FAXDC2: variants seen among roughly 807,000 people sequenced by gnomAD.
The protein encoded by FAXDC2 is fatty acid hydroxylase domain-containing protein 2.
FAXDC2 carries 41 observed loss-of-function variants against 40.9 expected under a neutral mutation model. That is an observed-to-expected ratio of 1.00 (90% CI 0.78 to 1.30). The LOEUF (loss-of-function observed/expected upper bound fraction) is 1.30. FAXDC2 is among the 50% of genes most tolerant of loss of function. The probability of loss-of-function intolerance (pLI) is 0.00; values close to 1 mark genes in which losing one functional copy is unlikely to be tolerated. For synonymous variants in FAXDC2, 157 were observed against 149.3 expected (o/e 1.05, Z -0.38); for missense variants, 390 against 408.8 (o/e 0.95, Z 0.40).
intron 5 of FAXDC2, among the ~76,000 whole-genome samples, chr5:154,827,295 G>A (rs1760061170): frequency 6.8e-6 from 1 of 147,698 alleles, no homozygotes; most frequent in East Asian, 2.0e-4. Flanking sequence ...GTGACAGAGG[G>A]AGACTGTCTC....
intron 1 of FAXDC2, among the ~76,000 whole-genome samples, chr5:154,841,839 G>C (rs1760481928): frequency 6.6e-6 from 1 of 151,394 alleles, no homozygotes; most frequent in Admixed American, 6.6e-5. Flanking sequence ...TGGTTCAAGC[G>C]ATTATCCTGC....
At chr5:154,845,285 G>T (rs962491499) in intron 1 of FAXDC2, among the ~76,000 whole-genome samples, 1 of 152,202 alleles carries the variant, frequency 6.6e-6, no homozygotes, top group African/African-American at 2.4e-5. Flanking sequence ...GGTAGGCAGT[G>T]GGTCTTCACC....
rs1043037457 is a variant in FAXDC2, at chr5:154,818,748, T to C, written c.*1568A>G. On this transcript the variant is annotated 3_prime_UTR_variant, in exon 9 of 9. Transcript: ENST00000326080. Reference sequence around the variant, plus strand: ...TAAAGGGGAAAAAAACCGTATCTGTTCTTTCTCCTTATCTCCTACCCTTCT... The same window carrying C: ...TAAAGGGGAAAAAAACCGTATCTGTCCTTTCTCCTTATCTCCTACCCTTCT... 2 of 152,256 alleles carry C rather than the reference T, an allele frequency of 1.3e-5. No individual in the cohort carries two copies. Among genetic ancestry groups the C allele is most frequent in the Non-Finnish European group, 2.9e-5 (2 of 68,040 alleles). 9.4% of individuals were successfully genotyped at this position (152,256 alleles called of 1,614,324 possible).
At chr5:154,823,722 G>C (rs762035271) in intron 5 of FAXDC2, 130 bp from the exon 6 acceptor site, 3 of 707,864 alleles carry the variant, frequency 4.2e-6, no homozygotes, top group Non-Finnish European at 7.3e-6. Flanking sequence ...AGTAGCTCCT[G>C]ACTGCCACCC....
intron 8 of FAXDC2, 23 bp downstream of exon 8, chr5:154,821,237 C>T (rs773064516): frequency 3.1e-6 from 5 of 1,599,344 alleles, no homozygotes; most frequent in South Asian, 2.2e-5. Flanking sequence ...CCTAGGGACC[C>T]ATTGTGGGGA....
At position 154,834,537 on chromosome 5, in the gene FAXDC2, A is replaced by T. The variant is rs1039252528; in HGVS notation, c.244+88T>A. 3 of 970,260 alleles carry T rather than the reference A, an allele frequency of 3.1e-6. No homozygotes were observed. In the African/African-American group the frequency reaches 4.9e-5, roughly 16 times the overall value. The allele number at this position is 970,260 out of a possible 1,614,324, so 60.1% of individuals were successfully genotyped here. ...CATCCCTTGGAATAATAAACTGAAA[A>T]GTCCCAAAGTAGAGAACAAAACAAC... On this transcript the variant is annotated intron_variant, in intron 4 of 8. Coordinates refer to ENST00000326080, the MANE Select transcript of FAXDC2 (RefSeq NM_032385.5).
At position 154,824,659 on chromosome 5, in the gene FAXDC2, A is replaced by G. The variant is rs922559289; in HGVS notation, c.367-1067T>C. The G allele has an allele frequency of 4.4e-6, 3 of 679,636 alleles. No homozygotes were observed. In the African/African-American group the frequency reaches 5.3e-5, roughly 12 times the overall value. 42.1% of individuals were successfully genotyped at this position (679,636 alleles called of 1,614,324 possible). Reference sequence around the variant, plus strand: ...ATCTATTCATTTATTTATTTAACTGATATTTATTGAGTACCCACTATGTAG... The same window carrying G: ...ATCTATTCATTTATTTATTTAACTGGTATTTATTGAGTACCCACTATGTAG... On this transcript the variant is annotated intron_variant, in intron 5 of 8. Coordinates refer to ENST00000326080, the MANE Select transcript of FAXDC2 (RefSeq NM_032385.5).
At chr5:154,829,734 G>T (rs898878067) in intron 5 of FAXDC2, among the ~76,000 whole-genome samples, 4 of 152,218 alleles carry the variant, frequency 2.6e-5, no homozygotes, top group African/African-American at 9.6e-5. Context: ...TTCCTCATCT[G>T]AACAGTGAAG....
Position 154,833,350 on chromosome 5 carries a change from G to GTT in FAXDC2, c.244+1273_244+1274dup, listed in dbSNP as rs750032741. On this transcript the variant is annotated intron_variant, in intron 4 of 8. Coordinates refer to ENST00000326080, the MANE Select transcript of FAXDC2 (RefSeq NM_032385.5). ...CTAATCTTGGCCTATCTTAATTTTT[G>GTT]TTTTTTTTTTTTTGAGACAGAGTCG... is the stretch of plus-strand genomic sequence containing the variant. 4.2e-3 allele frequency among the ~76,000 whole-genome samples: 529 copies of GTT among 125,874 alleles called. 4 individuals carry two copies. Among genetic ancestry groups the GTT allele is most frequent in the African/African-American group, 0.014 (474 of 34,170 alleles). The allele number at this position is 125,874 out of a possible 152,430, so 82.6% of individuals were successfully genotyped here. A position where few individuals can be genotyped will look rare whatever the true frequency, so the allele number is the denominator to read the frequency against.
chr5:154,821,558 G>A (rs963963902), intron 7 of FAXDC2, 132 bp from the exon 8 acceptor site: 1 of 646,822 alleles, frequency 1.5e-6, no homozygotes, highest in African/African-American at 1.9e-5. Context: ...AGAGTTTCGG[G>A]ACTTTGATTT....
intron 1 of FAXDC2, among the ~76,000 whole-genome samples, chr5:154,847,938 C>G (rs1309280062): frequency 5.9e-5 from 9 of 151,808 alleles, no homozygotes; most frequent in Admixed American, 2.0e-4. Context: ...CTCCCGGGTT[C>G]ATGCCATTCT....
intron 4 of FAXDC2, among the ~76,000 whole-genome samples, chr5:154,831,792 A>G (rs901729395): frequency 6.6e-6 from 1 of 152,184 alleles, no homozygotes; most frequent in Non-Finnish European, 1.5e-5. Context: ...TAATAAAGTG[A>G]GAGAGTCAGA....
chr5:154,844,321 G>T (rs1760546383), intron 1 of FAXDC2, among the ~76,000 whole-genome samples: 1 of 150,982 alleles, frequency 6.6e-6, no homozygotes, highest in African/African-American at 2.4e-5. Context: ...GGTGGAGGTT[G>T]CAATGAGCTG....
chr5:154,827,271 G>T (rs1760060539), intron 5 of FAXDC2, among the ~76,000 whole-genome samples: 1 of 149,848 alleles, frequency 6.7e-6, no homozygotes, highest in South Asian at 2.1e-4. Context: ...CAGTGCCACT[G>T]CACTCCAGCC....
At chr5:154,843,263 A>G (rs1760523743) in intron 1 of FAXDC2, among the ~76,000 whole-genome samples, 1 of 152,220 alleles carries the variant, frequency 6.6e-6, no homozygotes, top group African/African-American at 2.4e-5. Flanking sequence ...TCACAAGTCC[A>G]AGTCTCCTAG....
At chr5:154,839,915 C>G (rs1484275757) in intron 1 of FAXDC2, among the ~76,000 whole-genome samples, 1 of 152,132 alleles carries the variant, frequency 6.6e-6, no homozygotes. Context: ...CACACCAGTC[C>G]AGAGAAGCTA....
chr5:154,833,776 C>T (rs890152360), intron 4 of FAXDC2, among the ~76,000 whole-genome samples: 8 of 151,734 alleles, frequency 5.3e-5, no homozygotes, highest in African/African-American at 1.9e-4. Context: ...AAGTGATTCT[C>T]CCTGCCTCAG....
chr5:154,826,072 G>C (rs1178150188), intron 5 of FAXDC2, among the ~76,000 whole-genome samples: 2 of 152,166 alleles, frequency 1.3e-5, no homozygotes, highest in Non-Finnish European at 2.9e-5. Flanking sequence ...TGTGTGAGCT[G>C]TCGGCCTATG....
intron 1 of FAXDC2, among the ~76,000 whole-genome samples, chr5:154,847,379 A>G (rs888562088): frequency 6.6e-6 from 1 of 152,210 alleles, no homozygotes; most frequent in East Asian, 1.9e-4. Context: ...AATCTGAGTA[A>G]AGGACATGGG....
Sources: gnomAD v4.1 joint callset for allele counts (sites outside exome capture counted in the v4.1 genomes callset) on GRCh38, gnomAD v4.1.1 for gene constraint, MANE v1.5 for transcripts, NCBI Gene and HGNC (gene_info 2026-07-23, HGNC 2026-07-21) for gene names.